DAAM1: variants seen among roughly 807,000 people sequenced by gnomAD.
DAAM1 encodes dishevelled associated activator of morphogenesis 1, also known as disheveled-associated activator of morphogenesis 1.
Under a neutral mutation model 130.0 loss-of-function variants are expected in DAAM1, and 52 were observed. The observed-to-expected ratio is 0.40, with a 90% CI of 0.32 to 0.50. The LOEUF (loss-of-function observed/expected upper bound fraction) is 0.50, where lower values mean the gene tolerates loss of function less well. DAAM1 is among the 20% of genes least tolerant of loss of function. DAAM1 has a pLI of 0.61. For missense variants in DAAM1, 1,134 were observed against 1,303.8 expected (o/e 0.87, Z 2.01); for synonymous variants, 452 against 444.5 (o/e 1.02, Z -0.21).
At chr14:59,271,433 G>A (rs1882700939) in intron 2 of DAAM1, among the ~76,000 whole-genome samples, 1 of 152,184 alleles carries the variant, frequency 6.6e-6, no homozygotes, top group African/African-American at 2.4e-5. Context: ...GACATTCGCA[G>A]GATTAGTCAT....
chr14:59,322,824 A>G, intron 5 of DAAM1, 68 bp from the exon 6 acceptor site: 1 of 1,305,538 alleles, frequency 7.7e-7, no homozygotes, highest in Non-Finnish European at 1.1e-6. Context: ...TGCCCTCTAG[A>G]CTTTTCTGTT....
intron 3 of DAAM1, among the ~76,000 whole-genome samples, chr14:59,298,455 T>G (rs908795136): frequency 1.2e-4 from 18 of 152,350 alleles, no homozygotes; most frequent in African/African-American, 4.3e-4. Flanking sequence ...GCAATGACTC[T>G]GAAAACATAG....
chr14:59,311,151 T>C (rs1342539417), intron 3 of DAAM1, among the ~76,000 whole-genome samples: 1 of 152,206 alleles, frequency 6.6e-6, no homozygotes, highest in Non-Finnish European at 1.5e-5. Context: ...ACGAAGAAAT[T>C]TTTGTCACAC....
intron 3 of DAAM1, among the ~76,000 whole-genome samples, chr14:59,291,981 C>A (rs761207195): frequency 2.6e-5 from 4 of 152,156 alleles, no homozygotes; most frequent in Non-Finnish European, 5.9e-5. Flanking sequence ...AACACCAAAG[C>A]TCTTCTTATT....
intron 15 of DAAM1, among the ~76,000 whole-genome samples, chr14:59,339,394 A>G (rs1468198462): frequency 1.3e-5 from 2 of 152,204 alleles, no homozygotes; most frequent in African/African-American, 4.8e-5. Context: ...ACAGTATATT[A>G]TACATATTTT....
At chr14:59,353,778 G>A (rs997291923) in intron 18 of DAAM1, 98 bp from the exon 19 acceptor site, 4 of 1,057,362 alleles carry the variant, frequency 3.8e-6, no homozygotes, top group Admixed American at 4.1e-5. Context: ...GGTGGGTATT[G>A]GGGGAGGTGC....
At position 59,371,035 on chromosome 14, in the gene DAAM1, CA is replaced by C. The variant is rs1424127731; in HGVS notation, c.*2177del. 1.3e-5 allele frequency: 2 copies of C among 151,122 alleles called. No individual in the cohort carries two copies. The highest frequency in any genetic ancestry group is 2.9e-5 in the Non-Finnish European group (2 of 67,818). The allele number at this position is 151,122 out of a possible 1,614,324, so 9.4% of individuals were successfully genotyped here. On this transcript the variant is annotated 3_prime_UTR_variant, in exon 25 of 25. Coordinates refer to ENST00000360909, the MANE Select transcript of DAAM1 (RefSeq NM_001270520.2). Reference sequence around the variant, plus strand: ...CCTGGTGGGCCTCCTTTGCCATTTCCATTTTTGGTTTCTTTCCCTGAAAACT... The same window carrying C: ...CCTGGTGGGCCTCCTTTGCCATTTCCTTTTTGGTTTCTTTCCCTGAAAACT...
At chr14:59,232,478 T>C (rs1566660039) in intron 1 of DAAM1, among the ~76,000 whole-genome samples, 1 of 152,122 alleles carries the variant, frequency 6.6e-6, no homozygotes, top group Non-Finnish European at 1.5e-5. Context: ...AGGAGATGGA[T>C]ATGGTGGCTG....
chr14:59,232,101 A>T (rs1210461148), intron 1 of DAAM1, among the ~76,000 whole-genome samples: 2 of 152,308 alleles, frequency 1.3e-5, no homozygotes, highest in Non-Finnish European at 2.9e-5. Flanking sequence ...TTTCTCCAGC[A>T]GTGCTGCTGC....
intron 1 of DAAM1, among the ~76,000 whole-genome samples, chr14:59,190,741 G>C (rs1445665382): frequency 6.6e-6 from 1 of 152,168 alleles, no homozygotes; most frequent in East Asian, 1.9e-4. Flanking sequence ...GGTAGAGAGG[G>C]TTTCCTAACG....
chr14:59,246,788 G>A lies in DAAM1; in HGVS notation c.-37-16653G>A, dbSNP rs149960763. On this transcript the variant is annotated intron_variant, in intron 1 of 24. Transcript: ENST00000360909. ...ATATATTATTGTGGTTTTGACTTGC[G>A]TTGCTCTAATGATTAGTAATGCTGA... Among the ~76,000 whole-genome samples, 951 of 152,124 alleles carry A rather than the reference G, an allele frequency of 6.3e-3. 10 individuals carry two copies. Among genetic ancestry groups the A allele is most frequent in the African/African-American group, 0.02 (817 of 41,504 alleles).
At chr14:59,227,371 G>A (rs530119230) in intron 1 of DAAM1, among the ~76,000 whole-genome samples, 1 of 152,286 alleles carries the variant, frequency 6.6e-6, no homozygotes, top group African/African-American at 2.4e-5. Context: ...GACTGACTAT[G>A]TAGGTCACCT....
intron 1 of DAAM1, among the ~76,000 whole-genome samples, chr14:59,240,947 A>G (rs1457961013): frequency 2.6e-5 from 4 of 152,240 alleles, no homozygotes; most frequent in Non-Finnish European, 4.4e-5. Flanking sequence ...TAGGTAAGAG[A>G]CATGTCCATT....
rs927021198 is a variant in DAAM1 at position 59,355,402 on chromosome 14, C to G, written c.2525+69C>G. 3.2e-6 allele frequency: 5 copies of G among 1,575,602 alleles called. No homozygotes were observed. In the African/African-American group the frequency reaches 6.8e-5, roughly 22 times the overall value. ...GGTCCAGGCTCAGATTTATGCCTCT[C>G]TGGTCCTCCTCAGCCTTCATGACAC... is the stretch of plus-strand genomic sequence containing the variant. On this transcript the variant is annotated intron_variant, in intron 20 of 24. Transcript: ENST00000360909.
chr14:59,347,986 C>CA (rs1203032546), intron 17 of DAAM1, among the ~76,000 whole-genome samples: 2 of 151,830 alleles, frequency 1.3e-5, no homozygotes, highest in Admixed American at 6.5e-5. Flanking sequence ...AACCATACTA[C>CA]AAAAACTGAT....
chr14:59,354,271 A>C (rs1050721514), intron 19 of DAAM1, among the ~76,000 whole-genome samples: 2 of 152,200 alleles, frequency 1.3e-5, no homozygotes, highest in African/African-American at 2.4e-5. Context: ...CACGTTAGCC[A>C]GGATGGTCTC....
At position 59,369,247 on chromosome 14, in the gene DAAM1, AAAC is replaced by A. The variant is rs1209242370; in HGVS notation, c.*391_*393del. The A allele has an allele frequency of 2.0e-5, 3 of 146,794 alleles. No homozygotes were observed. The highest frequency in any genetic ancestry group is 1.9e-4 in the East Asian group (1 of 5,390). The allele number at this position is 146,794 out of a possible 1,614,324, so 9.1% of individuals were successfully genotyped here. A position where few individuals can be genotyped will look rare whatever the true frequency, so the allele number is the denominator to read the frequency against. On this transcript the variant is annotated 3_prime_UTR_variant, in exon 25 of 25. Coordinates refer to ENST00000360909, the MANE Select transcript of DAAM1 (RefSeq NM_001270520.2). ...GGCAAAACAGAAGAAACAAACAAAC[AAAC>A]AAAAAAAGCTTGCAAAATATTTTAT...
chr14:59,240,936 A>G (rs1881089593), intron 1 of DAAM1, among the ~76,000 whole-genome samples: 1 of 152,252 alleles, frequency 6.6e-6, no homozygotes, highest in Admixed American at 6.5e-5. Context: ...AAGTAGGCAA[A>G]TAGGTAAGAG....
intron 22 of DAAM1, 67 bp from the exon 23 acceptor site, chr14:59,363,581 TATG>T: frequency 6.3e-7 from 1 of 1,581,148 alleles, no homozygotes; most frequent in Non-Finnish European, 8.6e-7. Flanking sequence ...GCATGTGAAA[TATG>T]AGACGAGGTG....
Sources: allele counts gnomAD v4.1 joint callset (sites outside exome capture counted in the v4.1 genomes callset), GRCh38; gene constraint gnomAD v4.1.1; transcripts MANE v1.5; gene names NCBI Gene and HGNC (gene_info 2026-07-23, HGNC 2026-07-21).